Variants in CEP162 observed in about 807,000 individuals in gnomAD.
CEP162 encodes centrosomal protein of 162 kDa.
A neutral mutation model predicts 169.2 loss-of-function variants in CEP162; 141 were observed. The observed-to-expected ratio is 0.83, with a 90% CI of 0.73 to 0.96. The LOEUF (loss-of-function observed/expected upper bound fraction) is 0.96. Among genes scored for constraint, CEP162 ranks in the 40% least tolerant of loss-of-function variants. CEP162 has a pLI of 0.00. For synonymous variants in CEP162, 540 were observed against 526.4 expected, an observed-to-expected ratio of 1.03 and a Z score of -0.35; for missense variants, 1,600 against 1,587.2, an observed-to-expected ratio of 1.01 and a Z score of -0.14.
At chr6:84,146,927 A>ATT (rs2099519145) in intron 24 of CEP162, 142 bp from the exon 25 acceptor site, 2 of 428,510 alleles carry the variant, frequency 4.7e-6, no homozygotes, top group Non-Finnish European at 8.3e-6. Context: ...ATGGAAAAAA[A>ATT]TTATAGAGAT....
At chr6:84,133,308 A>G (rs1396709076) in intron 25 of CEP162, among the ~76,000 whole-genome samples, 1 of 152,216 alleles carries the variant, frequency 6.6e-6, no homozygotes, top group Non-Finnish European at 1.5e-5. Context: ...CTCAAGTGTC[A>G]GGGACCCACT....
At chr6:84,155,266 G>A (rs2099522707) in intron 22 of CEP162, 32 bp downstream of exon 22, 1 of 1,546,054 alleles carries the variant, frequency 6.5e-7, no homozygotes, top group Non-Finnish European at 8.9e-7. Context: ...GTTCATCTCT[G>A]ACCTTTATCT....
intron 2 of CEP162, among the ~76,000 whole-genome samples, chr6:84,224,316 T>C (rs1314326958): frequency 6.6e-6 from 1 of 152,222 alleles, no homozygotes; most frequent in African/African-American, 2.4e-5. Context: ...ATACAATTTC[T>C]ATGAAATGTC....
chr6:84,160,981 A>G, intron 20 of CEP162, 65 bp from the exon 21 acceptor site: 2 of 1,120,018 alleles, frequency 1.8e-6, no homozygotes, highest in Non-Finnish European at 2.7e-6. Flanking sequence ...TCCAAGGGGA[A>G]AGCATAATAT....
intron 18 of CEP162, among the ~76,000 whole-genome samples, chr6:84,168,002 T>G (rs2099528511): frequency 6.6e-6 from 1 of 152,190 alleles, no homozygotes; most frequent in Non-Finnish European, 1.5e-5. Context: ...TTCCCTTACT[T>G]TCTTGAGAGC....
chr6:84,206,959 C>G (rs997083075), intron 6 of CEP162, among the ~76,000 whole-genome samples: 2 of 152,188 alleles, frequency 1.3e-5, no homozygotes, highest in African/African-American at 4.8e-5. Flanking sequence ...AGACAACAGA[C>G]ATGTGAAAAA....
chr6:84,148,210 C>T (rs2099519792), intron 24 of CEP162, among the ~76,000 whole-genome samples: 1 of 151,788 alleles, frequency 6.6e-6, no homozygotes, highest in African/African-American at 2.4e-5. Context: ...TCAAATAGTC[C>T]TTTTTTTTCT....
chr6:84,185,543 T>G (rs2099536812), intron 12 of CEP162, 95 bp from the exon 13 acceptor site: 9 of 1,092,438 alleles, frequency 8.2e-6, no homozygotes, highest in Non-Finnish European at 1.2e-5. Context: ...ATAGTGATTA[T>G]CAAATAATGT....
chr6:84,226,280 A>T (rs1271158872), intron 2 of CEP162, 57 bp downstream of exon 2: 1 of 1,125,262 alleles, frequency 8.9e-7, no homozygotes, highest in South Asian at 1.3e-5. Flanking sequence ...GACAGAATTG[A>T]AGGATGAGTC....
intron 2 of CEP162, among the ~76,000 whole-genome samples, chr6:84,225,810 G>C (rs1438485474): frequency 6.6e-6 from 1 of 152,120 alleles, no homozygotes; most frequent in African/African-American, 2.4e-5. Context: ...TCTCTGAAGT[G>C]GTGATATTTA....
chr6:84,171,100 C>T (rs1277612280), intron 17 of CEP162, among the ~76,000 whole-genome samples: 1 of 152,144 alleles, frequency 6.6e-6, no homozygotes, highest in East Asian at 1.9e-4. Flanking sequence ...ATTTGCCCTC[C>T]CCCTACCTCA....
intron 25 of CEP162, among the ~76,000 whole-genome samples, chr6:84,127,538 G>A (rs959213136): frequency 1.7e-4 from 26 of 151,936 alleles, no homozygotes; most frequent in African/African-American, 5.8e-4. Context: ...TGTTGGTTGG[G>A]CATAAAAACT....
At chr6:84,147,826 A>C (rs1362334272) in intron 24 of CEP162, among the ~76,000 whole-genome samples, 1 of 152,208 alleles carries the variant, frequency 6.6e-6, no homozygotes, top group African/African-American at 2.4e-5. Context: ...AATAAATGTC[A>C]GTCTCATATC....
rs114335133 is a variant in CEP162, at chr6:84,219,523, T to C, written c.172+1534A>G. 1.9e-3 allele frequency among the ~76,000 whole-genome samples: 291 copies of C among 152,332 alleles called. 1 individual carries two copies. Among genetic ancestry groups the C allele is most frequent in the African/African-American group, 6.7e-3 (279 of 41,588 alleles). Reference sequence around the variant, plus strand: ...GACAAAAGGCTTTGTGTCCCAAATCTTTGTCAACAATTCCAACAGTACTTC... The same window carrying C: ...GACAAAAGGCTTTGTGTCCCAAATCCTTGTCAACAATTCCAACAGTACTTC... On this transcript the variant is annotated intron_variant, in intron 3 of 26. Transcript: ENST00000403245.
Position 84,155,502 on chromosome 6 carries a change from T to A in CEP162, c.2790A>T (p.Glu930Asp), listed in dbSNP as rs1477285437. ...ATCTTCTCTTCAGAATCCCTTCCAT[T>A]TCCTTAACCTATTAAAACATATTTT... ...KIQDLERQVK[E>D]MEGILKRRYP... is the part of the protein sequence containing the mutation. The change falls in exon 22 of 27, where the codon GAA becomes GAT. Residue 930 changes from glutamate to aspartate, a missense_variant. Glu to Asp is a conservative substitution (Grantham distance 45, BLOSUM62 2). Transcript: ENST00000403245. 2 of 1,598,668 alleles carry A rather than the reference T, an allele frequency of 1.3e-6. No individual in the cohort carries two copies. The highest frequency in any genetic ancestry group is 2.7e-5 in the African/African-American group (2 of 74,306).
chr6:84,163,065 C>T, intron 19 of CEP162, 79 bp downstream of exon 19: 1 of 1,340,682 alleles, frequency 7.5e-7, no homozygotes. Context: ...TTGATTATAC[C>T]ATTCAATTTC....
chr6:84,201,127 A>C (rs1391062331), intron 8 of CEP162, among the ~76,000 whole-genome samples: 2 of 152,092 alleles, frequency 1.3e-5, no homozygotes, highest in African/African-American at 4.8e-5. Flanking sequence ...AAATACAAAA[A>C]ATTAGCCAGG....
chr6:84,221,563 GAAGA>G (rs1040212896), intron 2 of CEP162, among the ~76,000 whole-genome samples: 1 of 152,072 alleles, frequency 6.6e-6, no homozygotes, highest in African/African-American at 2.4e-5. Flanking sequence ...TCAATATAAG[GAAGA>G]ACTGAGTTTC....
chr6:84,201,138 C>T (rs988335581), intron 8 of CEP162, among the ~76,000 whole-genome samples: 12 of 152,054 alleles, frequency 7.9e-5, no homozygotes, highest in Non-Finnish European at 1.6e-4. Context: ...ATTAGCCAGG[C>T]GTGGTGGCAG....
Sources: gnomAD v4.1 joint callset for allele counts (sites outside exome capture counted in the v4.1 genomes callset) on GRCh38, gnomAD v4.1.1 for gene constraint, MANE v1.5 for transcripts, NCBI Gene and HGNC (gene_info 2026-07-23, HGNC 2026-07-21) for gene names.